Variants in HMCN1 observed in about 807,000 individuals in gnomAD.
HMCN1 encodes hemicentin-1.
HMCN1 carries 321 observed loss-of-function variants against 625.9 expected under a neutral mutation model. That is an observed-to-expected ratio of 0.51 (90% CI 0.47 to 0.56). The LOEUF (loss-of-function observed/expected upper bound fraction) is 0.56, where lower values mean the gene tolerates loss of function less well. Ranked by LOEUF, HMCN1 falls within the 20% of genes least tolerant of loss-of-function variation. The pLI, the probability that HMCN1 is intolerant of heterozygous loss-of-function variation, is 0.00. For missense variants in HMCN1, 6,588 were observed against 6,887.3 expected (o/e 0.96, Z 1.54); for synonymous variants, 2,425 against 2,417.6 (o/e 1.00, Z -0.09).
intron 1 of HMCN1, among the ~76,000 whole-genome samples, chr1:185,769,148 T>C (rs1656062357): frequency 1.3e-5 from 2 of 152,144 alleles, no homozygotes; most frequent in South Asian, 4.2e-4. Flanking sequence ...TTGTGTTGCA[T>C]TGTAAGACTT....
At chr1:185,998,452 A>G (rs1255676365) in intron 25 of HMCN1, among the ~76,000 whole-genome samples, 1 of 152,144 alleles carries the variant, frequency 6.6e-6, no homozygotes, top group Admixed American at 6.6e-5. Flanking sequence ...TCAGATACCT[A>G]AAGAATTAAC....
At position 186,048,729 on chromosome 1, in the gene HMCN1, G is replaced by C. The variant is rs1470481335; in HGVS notation, c.6481-14G>C. On this transcript the variant is annotated splice_polypyrimidine_tract_variant and intron_variant, in intron 41 of 106. Coordinates refer to ENST00000271588, the MANE Select transcript of HMCN1 (RefSeq NM_031935.3). ...AATAGAAAGTGTGATTTCAAAGGAT[G>C]ATTTTGTTTTCAGATTGAAGATGCT... The C allele has an allele frequency of 6.0e-6, 9 of 1,509,408 alleles. No homozygotes were observed. The highest frequency in any genetic ancestry group is 8.3e-6 in the Non-Finnish European group (9 of 1,085,410). The allele number at this position is 1,509,408 out of a possible 1,614,324, so 93.5% of individuals were successfully genotyped here.
chr1:186,153,089 CA>C (rs887573277), intron 96 of HMCN1, among the ~76,000 whole-genome samples: 31 of 152,182 alleles, frequency 2.0e-4, no homozygotes, highest in African/African-American at 7.5e-4. Flanking sequence ...GGACCAAGAT[CA>C]AATACTTGAT....
chr1:186,171,302 A>G (rs779641298), intron 100 of HMCN1, 35 bp from the exon 101 acceptor site: 3 of 1,425,368 alleles, frequency 2.1e-6, no homozygotes, highest in African/African-American at 1.4e-5. Flanking sequence ...AGGTTTCCTA[A>G]TAGCATATAA....
intron 6 of HMCN1, among the ~76,000 whole-genome samples, chr1:185,917,227 T>G (rs1363556467): frequency 6.6e-6 from 1 of 152,164 alleles, no homozygotes; most frequent in Non-Finnish European, 1.5e-5. Context: ...CTGACCTGAC[T>G]TTTCCTAACT....
chr1:185,758,099 G>A (rs1390016474), intron 1 of HMCN1, among the ~76,000 whole-genome samples: 2 of 152,156 alleles, frequency 1.3e-5, no homozygotes, highest in African/African-American at 4.8e-5. Context: ...TTCTCAACAC[G>A]TCTTGGCAAT....
chr1:185,841,787 C>T (rs562779427), intron 1 of HMCN1, among the ~76,000 whole-genome samples: 87 of 152,210 alleles, frequency 5.7e-4, no homozygotes, highest in Non-Finnish European at 1.2e-3. Context: ...CTTCTATTGT[C>T]TATATAATTA....
intron 1 of HMCN1, among the ~76,000 whole-genome samples, chr1:185,756,429 A>G (rs1032681064): frequency 2.6e-5 from 4 of 151,304 alleles, no homozygotes; most frequent in African/African-American, 9.7e-5. Flanking sequence ...TTTCCTAGTT[A>G]TGGGATCTTG....
chr1:185,924,400 G>A (rs1667168550), intron 8 of HMCN1, among the ~76,000 whole-genome samples: 1 of 151,348 alleles, frequency 6.6e-6, no homozygotes, highest in African/African-American at 2.4e-5. Context: ...CCAGCTAATG[G>A]ACTGATAAAG....
At chr1:186,144,746 G>A (rs775002883) in intron 91 of HMCN1, 43 bp downstream of exon 91, 1 of 1,604,634 alleles carries the variant, frequency 6.2e-7, no homozygotes, top group Non-Finnish European at 8.5e-7. Context: ...CTTTCATAAA[G>A]TTTCATTATG....
intron 10 of HMCN1, among the ~76,000 whole-genome samples, chr1:185,931,798 T>A (rs1042072803): frequency 6.6e-6 from 1 of 152,152 alleles, no homozygotes; most frequent in Non-Finnish European, 1.5e-5. Flanking sequence ...ACCTTCAGCA[T>A]GTTTGTTTCA....
At chr1:185,762,108 A>C (rs1249576438) in intron 1 of HMCN1, among the ~76,000 whole-genome samples, 1 of 152,160 alleles carries the variant, frequency 6.6e-6, no homozygotes, top group Non-Finnish European at 1.5e-5. Context: ...AAGAGGTGAA[A>C]AGTATTTTAG....
chr1:186,166,775 C>T lies in HMCN1; in HGVS notation c.15440-33C>T, dbSNP rs76940083. 2,519 of 1,614,010 alleles carry T rather than the reference C, an allele frequency of 1.6e-3. 30 individuals carry two copies. In the African/African-American group the frequency reaches 0.03, roughly 19 times the overall value. On this transcript the variant is annotated intron_variant, in intron 99 of 106. Coordinates refer to ENST00000271588, the MANE Select transcript of HMCN1 (RefSeq NM_031935.3). ...GGTTCTTGGGCTGGGTGTTCTTCAG[C>T]TCACCTCAGTTGAATGATTCCCTCT...
Position 185,929,415 on chromosome 1 carries a change from G to GA in HMCN1, c.1552+754dup, listed in dbSNP as rs560251106. Among the ~76,000 whole-genome samples the GA allele has an allele frequency of 6.6e-5, 10 of 152,060 alleles. No homozygotes were observed. In the South Asian group the frequency reaches 2.1e-3, roughly 32 times the overall value. On this transcript the variant is annotated intron_variant, in intron 10 of 106. Coordinates refer to ENST00000271588, the MANE Select transcript of HMCN1 (RefSeq NM_031935.3). ...ATTTTTCCTCACATAATTTTCAGGG[G>GA]AAAAAAGACTACCATTTATAATCAA... is the stretch of plus-strand genomic sequence containing the variant.
chr1:185,804,208 C>A lies in HMCN1; in HGVS notation c.269-41818C>A, dbSNP rs527972867. Among the ~76,000 whole-genome samples, 4 of 152,084 alleles carry A rather than the reference C, an allele frequency of 2.6e-5. No homozygotes were observed. The East Asian group carries it at 7.7e-4, about 29-fold the overall frequency. Reference sequence around the variant, plus strand: ...ATTTTAGTTTTCCTAGTAACACTAACAAATTGCAAAGTTAATAACACTAAC... The same window carrying A: ...ATTTTAGTTTTCCTAGTAACACTAAAAAATTGCAAAGTTAATAACACTAAC... On this transcript the variant is annotated intron_variant, in intron 1 of 106. Coordinates refer to ENST00000271588, the MANE Select transcript of HMCN1 (RefSeq NM_031935.3).
chr1:186,105,180 G>A (rs1470357537), intron 69 of HMCN1, among the ~76,000 whole-genome samples: 2 of 152,106 alleles, frequency 1.3e-5, no homozygotes, highest in African/African-American at 4.8e-5. Context: ...GTTTCTAGAT[G>A]TCTAGGGGAG....
intron 1 of HMCN1, among the ~76,000 whole-genome samples, chr1:185,797,591 A>G (rs1658475324): frequency 6.6e-6 from 1 of 152,200 alleles, no homozygotes; most frequent in African/African-American, 2.4e-5. Flanking sequence ...CAAAGCTAAT[A>G]TTGATATGTA....
intron 11 of HMCN1, among the ~76,000 whole-genome samples, chr1:185,934,983 T>C (rs1008009581): frequency 3.3e-5 from 5 of 152,178 alleles, no homozygotes; most frequent in Non-Finnish European, 7.4e-5. Context: ...GGGAGTCGTC[T>C]AGGGAAATGT....
chr1:185,909,380 A>T lies in HMCN1; in HGVS notation c.665A>T (p.His222Leu). 6.2e-7 allele frequency: 1 copy of T among 1,613,232 alleles called. No individual in the cohort carries two copies. Among genetic ancestry groups the T allele is most frequent in the Non-Finnish European group, 8.5e-7 (1 of 1,179,330 alleles). ...GAAGCAGTACAGGCCTCCAAAGTTCACCTTTTATCCACAGATCATTTGGAA... is the reference window on the plus strand; with the variant it reads ...GAAGCAGTACAGGCCTCCAAAGTTCTCCTTTTATCCACAGATCATTTGGAA... ...VEEAVQASKV[H>L]LLSTDHLEQA... The change falls in exon 5 of 107, where the codon CAC becomes CTC. Residue 222 changes from histidine (H) to leucine (L), a missense_variant. His to Leu is a moderately conservative substitution (Grantham distance 99). Around this residue, in one of 3 missense-constraint regions of HMCN1, gnomAD observed 4,628 missense variants for 4,853.1 expected, o/e 0.95. Transcript: ENST00000271588.
Sources: allele counts gnomAD v4.1 joint callset (sites outside exome capture counted in the v4.1 genomes callset), GRCh38; gene constraint gnomAD v4.1.1; regional missense constraint gnomAD v4.1.1; transcripts MANE v1.5; gene names NCBI Gene and HGNC (gene_info 2026-07-23, HGNC 2026-07-21).